ZNF518A: variants seen among roughly 807,000 people sequenced by gnomAD.
The protein encoded by ZNF518A is zinc finger protein 518A, also known as zinc finger protein 518.
ZNF518A carries 47 observed loss-of-function variants against 102.7 expected under a neutral mutation model. The observed-to-expected ratio is 0.46, with a 90% confidence interval of 0.36 to 0.58. The LOEUF (loss-of-function observed/expected upper bound fraction) is 0.58. ZNF518A is among the 20% of genes least tolerant of loss of function. The probability of loss-of-function intolerance (pLI) is 0.00; values close to 1 mark genes in which losing one functional copy is unlikely to be tolerated. For synonymous variants in ZNF518A, 652 were observed against 594.6 expected (o/e 1.10, Z -1.40); for missense variants, 1,793 against 1,699.8 (o/e 1.05, Z -0.96).
chr10:96,203,773 T>C, intron 2 of ZNF518A: 2 of 223,216 alleles, frequency 9.0e-6, no homozygotes, highest in Non-Finnish European at 1.6e-5. Flanking sequence ...AACAGCTGTA[T>C]TGTTTTTGTA....
At position 96,157,916 on chromosome 10, in the gene ZNF518A, A is replaced by T; in HGVS notation, c.1594A>T (p.Thr532Ser). The change falls in exon 6 of 6, where the codon ACT (threonine) becomes TCT (serine). Residue 532 changes from threonine to serine, a missense_variant. This residue lies in a region of ZNF518A where 1,741 missense variants were observed against 1,622.6 expected (regional missense o/e 1.07). Coordinates refer to ENST00000316045, the MANE Select transcript of ZNF518A (RefSeq NM_001330736.2). ...GAAAGCAAGTTCAGAAAAAGAAATG[A>T]CTTTGATATCTCAAAGGAATAATAT... is the stretch of plus-strand genomic sequence containing the variant. ...SGKASSEKEM[T>S]LISQRNNMLQ... 1 of 1,613,842 alleles carries T rather than the reference A, an allele frequency of 6.2e-7. No individual in the cohort carries two copies. Among genetic ancestry groups the T allele is most frequent in the Non-Finnish European group, 8.5e-7 (1 of 1,179,758 alleles).
chr10:96,195,294 G>A (rs2083437774), intron 1 of ZNF518A, among the ~76,000 whole-genome samples: 2 of 152,312 alleles, frequency 1.3e-5, no homozygotes, highest in East Asian at 3.9e-4. Flanking sequence ...ATATCATCCA[G>A]CAATCCCACT....
Position 96,130,430 on chromosome 10 carries a change from A to G in ZNF518A, c.-775A>G, listed in dbSNP as rs782280932. 1.3e-5 allele frequency among the ~76,000 whole-genome samples: 2 copies of G among 152,118 alleles called. No individual in the cohort carries two copies. The highest frequency in any genetic ancestry group is 2.4e-5 in the African/African-American group (1 of 41,420). On this transcript the variant is annotated 5_prime_UTR_variant, in exon 1 of 6. Transcript: ENST00000316045. ...GGCTTTTTGAACTCTACACTCTCCT[A>G]CATTCTAGGAGCTGGGTGGGAGTAG...
At chr10:96,186,552 C>A (rs1452086398) in intron 1 of ZNF518A, among the ~76,000 whole-genome samples, 5 of 152,126 alleles carry the variant, frequency 3.3e-5, no homozygotes, top group Non-Finnish European at 7.4e-5. Context: ...TATGTACCAC[C>A]ATGCCCAGCT....
intron 1 of ZNF518A, among the ~76,000 whole-genome samples, chr10:96,131,117 A>G (rs1564734865): frequency 6.6e-6 from 1 of 152,214 alleles, no homozygotes; most frequent in South Asian, 2.1e-4. Flanking sequence ...CTAGAAAAAT[A>G]AAATAAGTCA....
At chr10:96,203,069 T>G (rs781953989) in intron 1 of ZNF518A, among the ~76,000 whole-genome samples, 2 of 152,206 alleles carry the variant, frequency 1.3e-5, no homozygotes, top group Non-Finnish European at 2.9e-5. Flanking sequence ...ACTCTCTGTC[T>G]CCTTCAGTAG....
intron 3 of ZNF518A, among the ~76,000 whole-genome samples, chr10:96,152,130 G>A (rs1461624088): frequency 6.6e-6 from 1 of 151,936 alleles, no homozygotes; most frequent in Non-Finnish European, 1.5e-5. Context: ...TGGGCGACAT[G>A]GCAAAACCTC....
At chr10:96,133,474 A>G (rs1442171746) in intron 2 of ZNF518A, 109 bp from the exon 3 acceptor site, 2 of 152,190 alleles carry the variant, frequency 1.3e-5, no homozygotes, top group African/African-American at 4.8e-5. Context: ...AATCTATGGT[A>G]TTATAAGGAA....
chr10:96,187,943 T>A (rs1554892770), intron 1 of ZNF518A, among the ~76,000 whole-genome samples: 2 of 152,208 alleles, frequency 1.3e-5, no homozygotes, highest in African/African-American at 4.8e-5. Flanking sequence ...CCTCCCAGGT[T>A]CAAGTGATTC....
At chr10:96,204,734 C>G (rs2083750638), downstream of ZNF518A, 2 of 864,074 alleles carry the variant, frequency 2.3e-6, no homozygotes, top group East Asian at 5.4e-5. Flanking sequence ...GGGAACATGT[C>G]TTAGTTACTG....
chr10:96,199,364 TG>T lies in ZNF518A; in HGVS notation n.36-4209del. Reference sequence around the variant, plus strand: ...CATTTACTTCCAGGTATTTTTTGTTTGTTTGTTTGTTTGCCATCTTGACTCA... The same window carrying T: ...CATTTACTTCCAGGTATTTTTTGTTTTTTGTTTGTTTGCCATCTTGACTCA... On this transcript the variant is annotated intron_variant and non_coding_transcript_variant, in intron 1 of 2. Coordinates refer to the ZNF518A transcript ENST00000442635. 1.5e-5 allele frequency: 4 copies of T among 260,682 alleles called. No homozygotes were observed. In the Admixed American group the frequency reaches 1.6e-4, roughly 11 times the overall value. The allele number at this position is 260,682 out of a possible 1,614,324, so 16.1% of individuals were successfully genotyped here. A position where few individuals can be genotyped will look rare whatever the true frequency, so the allele number is the denominator to read the frequency against.
At chr10:96,195,589 T>A (rs1184163444) in intron 1 of ZNF518A, among the ~76,000 whole-genome samples, 1 of 152,212 alleles carries the variant, frequency 6.6e-6, no homozygotes, top group African/African-American at 2.4e-5. Flanking sequence ...ATTCCACTTG[T>A]ATGAGGTATC....
intron 1 of ZNF518A, among the ~76,000 whole-genome samples, chr10:96,172,480 CAA>C (rs782163064): frequency 3.3e-5 from 5 of 151,644 alleles, no homozygotes; most frequent in Non-Finnish European, 7.4e-5. Context: ...TTAAAAGACA[CAA>C]AATTATTAAT....
intron 1 of ZNF518A, among the ~76,000 whole-genome samples, chr10:96,188,727 C>T (rs1374376399): frequency 6.6e-6 from 1 of 152,136 alleles, no homozygotes; most frequent in Non-Finnish European, 1.5e-5. Context: ...CCTTTCCATA[C>T]AAAATTTCCC....
chr10:96,135,422 C>T (rs1026275277), intron 3 of ZNF518A: 1 of 152,194 alleles, frequency 6.6e-6, no homozygotes, highest in African/African-American at 2.4e-5. Flanking sequence ...ATATATGGCC[C>T]TTATGAATTT....
chr10:96,137,987 A>G (rs1454711352), intron 3 of ZNF518A, among the ~76,000 whole-genome samples: 4 of 152,058 alleles, frequency 2.6e-5, no homozygotes, highest in African/African-American at 9.7e-5. Flanking sequence ...GTTCTTTCCA[A>G]TGCTGTCAGA....
intron 1 of ZNF518A, chr10:96,199,337 A>T: frequency 3.9e-6 from 1 of 258,930 alleles, no homozygotes; most frequent in Non-Finnish European, 8.2e-6. Flanking sequence ...GGGCTCTCCA[A>T]ACATTTACTT....
rs1222043870 is a variant in ZNF518A, at chr10:96,162,456, C to T, written c.*1682C>T. 2.4e-5 allele frequency: 4 copies of T among 166,956 alleles called. No individual in the cohort carries two copies. The highest frequency in any genetic ancestry group is 3.9e-4 in the East Asian group (2 of 5,194). The allele number at this position is 166,956 out of a possible 1,614,324, so 10.3% of individuals were successfully genotyped here. A position where few individuals can be genotyped will look rare whatever the true frequency, so the allele number is the denominator to read the frequency against. On this transcript the variant is annotated 3_prime_UTR_variant, in exon 6 of 6. Coordinates refer to ENST00000316045, the MANE Select transcript of ZNF518A (RefSeq NM_001330736.2). ...AGTAGGTCCCAAATGGGCCCATTCC[C>T]CTAATAGTTTTATTTTTAAAGAAAG... is the stretch of plus-strand genomic sequence containing the variant.
At chr10:96,196,097 C>G (rs1483470810) in intron 1 of ZNF518A, among the ~76,000 whole-genome samples, 2 of 152,150 alleles carry the variant, frequency 1.3e-5, no homozygotes, top group Non-Finnish European at 2.9e-5. Flanking sequence ...AATGGTGTAC[C>G]TTTTTCTGAA....
Sources: allele counts gnomAD v4.1 joint callset (sites outside exome capture counted in the v4.1 genomes callset), GRCh38; gene constraint gnomAD v4.1.1; regional missense constraint gnomAD v4.1.1; transcripts MANE v1.5; gene names NCBI Gene and HGNC (gene_info 2026-07-23, HGNC 2026-07-21).